The following VPS8 variants were observed in gnomAD, a reference collection of about 807,000 sequenced individuals.
The protein encoded by VPS8 is vacuolar protein sorting-associated protein 8 homolog.
Under a neutral mutation model 216.4 loss-of-function variants are expected in VPS8, and 129 were observed. The ratio of observed to expected loss-of-function variants is 0.60; its 90% CI spans 0.52 to 0.69. VPS8 has a LOEUF of 0.69. Ranked by LOEUF, VPS8 falls within the 30% of genes least tolerant of loss-of-function variation. The pLI is 0.00. For missense variants in VPS8, 1,531 were observed against 1,683.5 expected (o/e 0.91, Z 1.59); for synonymous variants, 571 against 565.4 (o/e 1.01, Z -0.14).
chr3:184,959,787 G>A (rs946710791), intron 37 of VPS8, among the ~76,000 whole-genome samples: 6 of 151,812 alleles, frequency 4.0e-5, no homozygotes, highest in African/African-American at 1.4e-4. Context: ...AGTATTTGTT[G>A]CACTCTTTTT....
At chr3:184,862,660 G>T (rs1289729863) in intron 15 of VPS8, among the ~76,000 whole-genome samples, 9 of 152,148 alleles carry the variant, frequency 5.9e-5, no homozygotes, top group Non-Finnish European at 1.3e-4. Context: ...ACAGCTTTTA[G>T]TCTTCTTTTA....
At chr3:184,992,744 T>G (rs1752071645) in intron 42 of VPS8, among the ~76,000 whole-genome samples, 1 of 152,182 alleles carries the variant, frequency 6.6e-6, no homozygotes, top group Non-Finnish European at 1.5e-5. Flanking sequence ...GTAATAGACT[T>G]GACTCATTTA....
chr3:184,844,312 T>C (rs1394321829), intron 8 of VPS8, among the ~76,000 whole-genome samples: 1 of 151,830 alleles, frequency 6.6e-6, no homozygotes, highest in Non-Finnish European at 1.5e-5. Context: ...TCCCAGCTAC[T>C]TGGGAGGCTG....
rs532076589 is a variant in VPS8 at position 185,012,987 on chromosome 3, G to GT, written c.4003-11349_4003-11348insT. Among the ~76,000 whole-genome samples the GT allele has an allele frequency of 8.7e-3, 1,315 of 151,686 alleles. 19 individuals carry two copies. Among genetic ancestry groups the GT allele is most frequent in the African/African-American group, 0.03 (1,233 of 40,994 alleles). On this transcript the variant is annotated intron_variant, in intron 45 of 47. Transcript: ENST00000625842. ...CATTTCCTACGGGAAATAACTAAAA[G>GT]CATTTCCTACAGGAAATAAAGGGAT... is the stretch of plus-strand genomic sequence containing the variant.
At chr3:184,968,820 TA>T (rs1481189347) in intron 39 of VPS8, among the ~76,000 whole-genome samples, 6 of 152,210 alleles carry the variant, frequency 3.9e-5, no homozygotes, top group Non-Finnish European at 7.3e-5. Context: ...ACACGTTTCT[TA>T]GAGACTCCTT....
intron 14 of VPS8, among the ~76,000 whole-genome samples, chr3:184,856,229 A>G (rs1011939301): frequency 1.3e-5 from 2 of 152,240 alleles, no homozygotes; most frequent in South Asian, 4.1e-4. Context: ...CATCTTCCAC[A>G]CAGCTTATAA....
chr3:185,014,303 G>A (rs940069405), intron 45 of VPS8, among the ~76,000 whole-genome samples: 9 of 152,054 alleles, frequency 5.9e-5, no homozygotes, highest in South Asian at 2.1e-4. Context: ...TGTGTTCGAC[G>A]GGTGTTGCTC....
intron 39 of VPS8, among the ~76,000 whole-genome samples, chr3:184,967,454 A>T (rs1288339780): frequency 6.6e-6 from 1 of 152,200 alleles, no homozygotes; most frequent in African/African-American, 2.4e-5. Context: ...AAGCAGTAAA[A>T]GTTGACAATT....
Position 184,832,828 on chromosome 3 carries a change from T to G in VPS8, c.353+9T>G, listed in dbSNP as rs199808819. 1 of 1,601,718 alleles carries G rather than the reference T, an allele frequency of 6.2e-7. No homozygotes were observed. The highest frequency in any genetic ancestry group is 1.3e-5 in the African/African-American group (1 of 74,602). On this transcript the variant is annotated intron_variant, in intron 4 of 47. Coordinates refer to ENST00000625842, the MANE Select transcript of VPS8 (RefSeq NM_001009921.3). ...AGGACCAACTTAAAAAGGTAGGTAT[T>G]CATGTCAATCATACTTGCTTACAGT...
chr3:185,001,217 A>G (rs1378482837), intron 45 of VPS8, among the ~76,000 whole-genome samples: 1 of 152,178 alleles, frequency 6.6e-6, no homozygotes, highest in Admixed American at 6.5e-5. Flanking sequence ...GATACTAGCT[A>G]GAGTTAGAGA....
intron 46 of VPS8, among the ~76,000 whole-genome samples, chr3:185,040,260 A>G (rs1385150991): frequency 6.6e-6 from 1 of 152,194 alleles, no homozygotes; most frequent in African/African-American, 2.4e-5. Flanking sequence ...CTGTTGTGCT[A>G]GAAGAAGCCT....
intron 3 of VPS8, among the ~76,000 whole-genome samples, chr3:184,829,381 G>A (rs1423154984): frequency 2.6e-5 from 4 of 151,936 alleles, no homozygotes; most frequent in African/African-American, 9.7e-5. Flanking sequence ...ACGTGGCAAA[G>A]TTTTTTGTAT....
chr3:184,946,356 A>G (rs1412951819), intron 36 of VPS8, among the ~76,000 whole-genome samples: 1 of 152,220 alleles, frequency 6.6e-6, no homozygotes, highest in Non-Finnish European at 1.5e-5. Context: ...AATTCCACTC[A>G]TGGTTAGCTT....
chr3:184,832,469 G>A (rs565879036), intron 3 of VPS8, among the ~76,000 whole-genome samples: 1 of 152,140 alleles, frequency 6.6e-6, no homozygotes, highest in Non-Finnish European at 1.5e-5. Context: ...CCTGCTACAC[G>A]AAAGAAGTTT....
intron 36 of VPS8, among the ~76,000 whole-genome samples, chr3:184,955,749 G>A (rs1310007197): frequency 2.6e-5 from 4 of 151,192 alleles, no homozygotes; most frequent in Admixed American, 6.6e-5. Context: ...TTTCAGTTCA[G>A]TTCAATATAT....
chr3:184,837,211 T>TG (rs967790956), intron 5 of VPS8, among the ~76,000 whole-genome samples: 6 of 140,904 alleles, frequency 4.3e-5, no homozygotes, highest in Non-Finnish European at 9.3e-5. Context: ...CTAATATCTG[T>TG]GTTTTTTTTA....
chr3:184,924,899 T>C lies in VPS8; in HGVS notation c.2492T>C (p.Val831Ala), dbSNP rs371510116. 42 of 1,613,518 alleles carry C rather than the reference T, an allele frequency of 2.6e-5. No homozygotes were observed. Among genetic ancestry groups the C allele is most frequent in the South Asian group, 6.6e-5 (6 of 91,054 alleles). The change falls in exon 30 of 48, where the codon GTA (valine) becomes GCA (alanine). Residue 831 changes from valine (V) to alanine (A), a missense_variant. Transcript: ENST00000625842. ...VENSDFTPSQ[V>A]GCLFTFLARQ... is the part of the protein sequence containing the mutation. ...AATTCAGACTTTACCCCCTCACAAGTAGGATGTCTCTTTACCTTCCTTGCT... is the reference window on the plus strand; with the variant it reads ...AATTCAGACTTTACCCCCTCACAAGCAGGATGTCTCTTTACCTTCCTTGCT...
At chr3:184,861,608 G>GT (rs1726386353) in intron 15 of VPS8, among the ~76,000 whole-genome samples, 1 of 152,142 alleles carries the variant, frequency 6.6e-6, no homozygotes, top group South Asian at 2.1e-4. Context: ...CATAATTTCT[G>GT]TTTAAGATGT....
chr3:184,861,994 G>T (rs911570991), intron 15 of VPS8, among the ~76,000 whole-genome samples: 1 of 152,170 alleles, frequency 6.6e-6, no homozygotes, highest in Non-Finnish European at 1.5e-5. Flanking sequence ...GAGGAGAGGG[G>T]AACAAACTCT....
Sources: gnomAD v4.1 joint callset for allele counts (sites outside exome capture counted in the v4.1 genomes callset) on GRCh38, gnomAD v4.1.1 for gene constraint, MANE v1.5 for transcripts, NCBI Gene and HGNC (gene_info 2026-07-23, HGNC 2026-07-21) for gene names.